The following ZNF385D variants were observed in gnomAD, a reference collection of about 807,000 sequenced individuals.
ZNF385D encodes zinc finger protein 385D.
In ZNF385D, 15 loss-of-function variants were observed where a neutral mutation model predicts 35.8. The observed-to-expected ratio is 0.42, with a 90% CI of 0.28 to 0.64. The LOEUF is 0.64. ZNF385D is among the 30% of genes least tolerant of loss of function. The pLI is 0.23. For synonymous variants in ZNF385D, 212 were observed against 186.8 expected (o/e 1.13, Z -1.10); for missense variants, 474 against 494.6 (o/e 0.96, Z 0.39).
At chr3:21,738,942 T>G (rs933885043) in intron 1 of ZNF385D, among the ~76,000 whole-genome samples, 2 of 152,214 alleles carry the variant, frequency 1.3e-5, no homozygotes, top group Non-Finnish European at 2.9e-5. Context: ...CTGAGTAACC[T>G]CTATTGTGGA....
intron 2 of ZNF385D, among the ~76,000 whole-genome samples, chr3:22,183,330 G>T (rs1695408283): frequency 6.6e-6 from 1 of 152,036 alleles, no homozygotes; most frequent in Non-Finnish European, 1.5e-5. Flanking sequence ...TTGATCTTCA[G>T]AGAATGAGAA....
chr3:21,500,300 A>G (rs1288279832), intron 4 of ZNF385D, among the ~76,000 whole-genome samples: 1 of 152,210 alleles, frequency 6.6e-6, no homozygotes, highest in Non-Finnish European at 1.5e-5. Context: ...ATCTTCATAG[A>G]AACAAAAATA....
intron 3 of ZNF385D, among the ~76,000 whole-genome samples, chr3:21,908,585 T>C (rs1002690123): frequency 6.6e-6 from 1 of 152,058 alleles, no homozygotes; most frequent in Non-Finnish European, 1.5e-5. Context: ...AAGGAAAGAT[T>C]ACCTACAACA....
chr3:21,690,029 T>C (rs1272138770), intron 1 of ZNF385D, among the ~76,000 whole-genome samples: 5 of 152,158 alleles, frequency 3.3e-5, no homozygotes, highest in Admixed American at 2.6e-4. Flanking sequence ...AACAAATATG[T>C]TAAAATGTAT....
At chr3:21,862,637 T>A (rs1697119443) in intron 3 of ZNF385D, among the ~76,000 whole-genome samples, 1 of 152,110 alleles carries the variant, frequency 6.6e-6, no homozygotes, top group Non-Finnish European at 1.5e-5. Context: ...TAAAGAGAGC[T>A]AACTGAATTA....
At chr3:21,784,017 T>A (rs918005274) in intron 3 of ZNF385D, among the ~76,000 whole-genome samples, 1 of 152,268 alleles carries the variant, frequency 6.6e-6, no homozygotes, top group East Asian at 1.9e-4. Context: ...CAGACTGCAG[T>A]ACAGTGTTAT....
At chr3:22,004,140 T>G (rs1199987739) in intron 3 of ZNF385D, among the ~76,000 whole-genome samples, 1 of 151,852 alleles carries the variant, frequency 6.6e-6, no homozygotes, top group Non-Finnish European at 1.5e-5. Context: ...CAGAAATAAA[T>G]CCACATATTT....
intron 2 of ZNF385D, among the ~76,000 whole-genome samples, chr3:22,359,908 G>A (rs573183003): frequency 4.6e-5 from 7 of 151,786 alleles, no homozygotes; most frequent in African/African-American, 1.4e-4. Context: ...ACATACTAGC[G>A]GCAACATAAT....
At position 22,050,951 on chromosome 3, in the gene ZNF385D, G is replaced by C. The variant is rs565462145; in HGVS notation, c.325+117866C>G. 7.7e-5 allele frequency among the ~76,000 whole-genome samples: 2 copies of C among 26,062 alleles called. 1 individual carries two copies. The highest frequency in any genetic ancestry group is 1.6e-4 in the Non-Finnish European group (2 of 12,402). 17.1% of individuals were successfully genotyped at this position (26,062 alleles called of 152,430 possible). A position where few individuals can be genotyped will look rare whatever the true frequency, so the allele number is the denominator to read the frequency against. On this transcript the variant is annotated intron_variant, in intron 3 of 5. Coordinates refer to the ZNF385D transcript ENST00000494108. ...TCAATTTTGGAATAGGTGTGGTGTG[G>C]TGCTGAAAAAAATGTATATTCTGTT...
chr3:21,495,312 T>G (rs905784004), intron 4 of ZNF385D, among the ~76,000 whole-genome samples: 13 of 151,980 alleles, frequency 8.6e-5, no homozygotes, highest in Non-Finnish European at 1.5e-4. Context: ...CTAATTCTAC[T>G]AGAGAGCTGG....
intron 2 of ZNF385D, among the ~76,000 whole-genome samples, chr3:22,234,671 T>C (rs1355365881): frequency 6.6e-6 from 1 of 152,094 alleles, no homozygotes; most frequent in Non-Finnish European, 1.5e-5. Flanking sequence ...GTTTCCAAGT[T>C]ATTTCATTTA....
chr3:22,327,016 G>T (rs1221071511), intron 2 of ZNF385D, among the ~76,000 whole-genome samples: 2 of 152,136 alleles, frequency 1.3e-5, no homozygotes, highest in African/African-American at 4.8e-5. Context: ...CTGTAAGGGA[G>T]AAAAGGACAG....
intron 4 of ZNF385D, among the ~76,000 whole-genome samples, chr3:21,482,376 A>G (rs893546569): frequency 5.3e-5 from 8 of 152,296 alleles, no homozygotes; most frequent in African/African-American, 1.4e-4. Context: ...TTGCACTACA[A>G]TGGCAGAATC....
intron 1 of ZNF385D, among the ~76,000 whole-genome samples, chr3:21,732,427 T>G (rs921455565): frequency 6.6e-6 from 1 of 152,114 alleles, no homozygotes; most frequent in South Asian, 2.1e-4. Context: ...TCCTGGATCA[T>G]ATGGTAAAAA....
At chr3:22,266,933 T>C (rs757415814) in intron 2 of ZNF385D, among the ~76,000 whole-genome samples, 1 of 151,910 alleles carries the variant, frequency 6.6e-6, no homozygotes, top group Non-Finnish European at 1.5e-5. Context: ...AATCTTTCCT[T>C]CCGAGGATAT....
At chr3:21,791,927 G>A (rs939114222) in intron 3 of ZNF385D, among the ~76,000 whole-genome samples, 1 of 152,112 alleles carries the variant, frequency 6.6e-6, no homozygotes, top group Non-Finnish European at 1.5e-5. Context: ...TAGAGACGGG[G>A]TTTCACCATC....
intron 3 of ZNF385D, among the ~76,000 whole-genome samples, chr3:22,116,875 A>G (rs951900831): frequency 6.6e-6 from 1 of 152,072 alleles, no homozygotes; most frequent in Admixed American, 6.6e-5. Flanking sequence ...TAAAACTTAT[A>G]ATGAAAACAC....
intron 1 of ZNF385D, among the ~76,000 whole-genome samples, chr3:21,734,654 C>T (rs933378320): frequency 2.6e-5 from 4 of 152,056 alleles, no homozygotes; most frequent in South Asian, 4.2e-4. Flanking sequence ...AGGAGAGTTT[C>T]GTAAAAATAA....
At chr3:21,821,700 C>T (rs570883437) in intron 3 of ZNF385D, among the ~76,000 whole-genome samples, 5 of 152,216 alleles carry the variant, frequency 3.3e-5, no homozygotes, top group Admixed American at 6.5e-5. Context: ...TGGTGGCTCG[C>T]GCCTGTAATC....
Sources: allele counts gnomAD v4.1 joint callset (sites outside exome capture counted in the v4.1 genomes callset), GRCh38; gene constraint gnomAD v4.1.1; transcripts MANE v1.5; gene names NCBI Gene and HGNC (gene_info 2026-07-23, HGNC 2026-07-21).